CDV3: variants seen among roughly 807,000 people sequenced by gnomAD.
CDV3 encodes protein CDV3 homolog.
In CDV3, 14 loss-of-function variants were observed where a neutral mutation model predicts 24.5. That is an observed-to-expected ratio of 0.57 (90% CI 0.38 to 0.89). The LOEUF is 0.89. CDV3 is among the 40% of genes least tolerant of loss of function. The probability of loss-of-function intolerance (pLI) is 0.00; values close to 1 mark genes in which losing one functional copy is unlikely to be tolerated. For synonymous variants in CDV3, 114 were observed against 114.1 expected (o/e 1.00, Z 0.00); for missense variants, 304 against 310.2 (o/e 0.98, Z 0.15).
intron 2 of CDV3, among the ~76,000 whole-genome samples, chr3:133,577,669 AT>A (rs1420878161): frequency 6.6e-6 from 1 of 152,168 alleles, no homozygotes; most frequent in African/African-American, 2.4e-5. Flanking sequence ...CAGATGTCAC[AT>A]ACAATCTTAA....
At chr3:133,580,151 T>G (rs570036020) in intron 2 of CDV3, among the ~76,000 whole-genome samples, 98 of 150,820 alleles carry the variant, frequency 6.5e-4, no homozygotes, top group South Asian at 2.4e-3. Context: ...CCCTGGTGTG[T>G]GATGTTCCCC....
At chr3:133,574,779 C>T in intron 1 of CDV3, 5 of 1,062,288 alleles carry the variant, frequency 4.7e-6, no homozygotes, top group Non-Finnish European at 4.7e-6. Flanking sequence ...TTCCTATTGA[C>T]TTCTTCCTTC....
chr3:133,578,658 T>C (rs1466341946), intron 2 of CDV3, among the ~76,000 whole-genome samples: 1 of 152,202 alleles, frequency 6.6e-6, no homozygotes, highest in Non-Finnish European at 1.5e-5. Context: ...AGTGCCATTT[T>C]AAGCCTCCAG....
chr3:133,587,665 G>T, intron 4 of CDV3: 1 of 1,272,074 alleles, frequency 7.9e-7, no homozygotes, highest in Admixed American at 3.7e-5. Context: ...TAGGGTCACA[G>T]TTAATACTGT....
chr3:133,587,758 G>C, intron 4 of CDV3, 138 bp from the exon 5 acceptor site: 1 of 1,431,948 alleles, frequency 7.0e-7, no homozygotes, highest in South Asian at 1.7e-5. Flanking sequence ...GGTTTGATAA[G>C]GATTTTCTAT....
At chr3:133,583,435 T>C (rs1933266704) in intron 2 of CDV3, among the ~76,000 whole-genome samples, 1 of 152,252 alleles carries the variant, frequency 6.6e-6, no homozygotes, top group South Asian at 2.1e-4. Context: ...CTCACCTTCT[T>C]CTCTGCATTT....
chr3:133,585,825 C>T (rs1210910684), intron 3 of CDV3, among the ~76,000 whole-genome samples: 1 of 152,184 alleles, frequency 6.6e-6, no homozygotes, highest in Non-Finnish European at 1.5e-5. Flanking sequence ...AATAACCACA[C>T]TGGCATTTCA....
At chr3:133,578,149 C>G (rs1048286435) in intron 2 of CDV3, among the ~76,000 whole-genome samples, 2 of 152,116 alleles carry the variant, frequency 1.3e-5, no homozygotes, top group Non-Finnish European at 2.9e-5. Flanking sequence ...GTTGCCACCC[C>G]TGACTAATCT....
chr3:133,579,149 T>C (rs2074925555), intron 2 of CDV3, among the ~76,000 whole-genome samples: 1 of 152,164 alleles, frequency 6.6e-6, no homozygotes, highest in South Asian at 2.1e-4. Context: ...TACTGTGAGG[T>C]TTAACTTTGT....
intron 2 of CDV3, among the ~76,000 whole-genome samples, chr3:133,575,725 CAT>C (rs546949072): frequency 5.1e-4 from 78 of 152,254 alleles, no homozygotes; most frequent in African/African-American, 5.3e-4. Context: ...TATTTGTAAA[CAT>C]GTTATTTTTT....
At chr3:133,585,861 C>G (rs189115842) in intron 3 of CDV3, among the ~76,000 whole-genome samples, 1 of 152,290 alleles carries the variant, frequency 6.6e-6, no homozygotes, top group East Asian at 1.9e-4. Context: ...CATATGGCAT[C>G]TTAATCAGTC....
chr3:133,575,194 A>G (rs1003420037), intron 2 of CDV3, 79 bp downstream of exon 2: 6 of 785,166 alleles, frequency 7.6e-6, no homozygotes, highest in Non-Finnish European at 1.3e-5. Context: ...TTTGGCCCCA[A>G]AGCAGCATCA....
Position 133,588,357 on chromosome 3 carries a change from T to C in CDV3, c.*311T>C. 6.5e-7 allele frequency: 1 copy of C among 1,536,136 alleles called. No individual in the cohort carries two copies. The highest frequency in any genetic ancestry group is 8.7e-7 in the Non-Finnish European group (1 of 1,146,848). The stretch of plus-strand genomic sequence containing the variant: ...TCAAAATCTTTTTATGTTCAGATAC[T>C]GAGCCTTCATAAGGGTTGACTACCT... On this transcript the variant is annotated 3_prime_UTR_variant, in exon 5 of 5. Coordinates refer to ENST00000264993, the MANE Select transcript of CDV3 (RefSeq NM_017548.5).
chr3:133,579,297 A>C (rs1220206594), intron 2 of CDV3, among the ~76,000 whole-genome samples: 1 of 152,208 alleles, frequency 6.6e-6, no homozygotes, highest in African/African-American at 2.4e-5. Context: ...AATTGTGATG[A>C]ATTTACAGCA....
intron 2 of CDV3, among the ~76,000 whole-genome samples, chr3:133,576,598 T>G (rs1424383532): frequency 6.6e-6 from 1 of 152,196 alleles, no homozygotes; most frequent in Non-Finnish European, 1.5e-5. Flanking sequence ...TCAAGTTCAC[T>G]GAGGATTAGA....
chr3:133,584,228 C>A, intron 3 of CDV3, 78 bp downstream of exon 3: 1 of 1,083,542 alleles, frequency 9.2e-7, no homozygotes, highest in Non-Finnish European at 1.4e-6. Flanking sequence ...CAACTAAGTG[C>A]ATGATTGTGG....
At position 133,575,114 on chromosome 3, in the gene CDV3, A is replaced by AGGT; in HGVS notation, c.317_317+2dup. Reference sequence around the variant, plus strand: ...CCTCAGGGTTCAGGCAATGCAAATAAGGTATAGTCTGGTTACAAATGTGTT... The same window carrying AGGT: ...CCTCAGGGTTCAGGCAATGCAAATAAGGTGGTATAGTCTGGTTACAAATGTGTT... On this transcript the variant is annotated protein_altering_variant and splice_region_variant, in exon 2 of 5. Coordinates refer to ENST00000264993, the MANE Select transcript of CDV3 (RefSeq NM_017548.5). The AGGT allele has an allele frequency of 6.6e-7, 1 of 1,520,512 alleles. No individual in the cohort carries two copies. Among genetic ancestry groups the AGGT allele is most frequent in the Non-Finnish European group, 9.1e-7 (1 of 1,094,658 alleles). 94.2% of individuals were successfully genotyped at this position (1,520,512 alleles called of 1,614,324 possible).
At chr3:133,583,431 T>A (rs1451357166) in intron 2 of CDV3, among the ~76,000 whole-genome samples, 1 of 152,188 alleles carries the variant, frequency 6.6e-6, no homozygotes, top group South Asian at 2.1e-4. Context: ...TCAGCTCACC[T>A]TCTTCTCTGC....
chr3:133,581,312 A>G (rs1932991788), intron 2 of CDV3, among the ~76,000 whole-genome samples: 1 of 152,094 alleles, frequency 6.6e-6, no homozygotes, highest in Non-Finnish European at 1.5e-5. Context: ...TGAGCCCTGG[A>G]GTTGAAGATT....
Sources: allele counts gnomAD v4.1 joint callset (sites outside exome capture counted in the v4.1 genomes callset), GRCh38; gene constraint gnomAD v4.1.1; transcripts MANE v1.5; gene names NCBI Gene and HGNC (gene_info 2026-07-23, HGNC 2026-07-21).